The following HDAC9 variants were observed in gnomAD, a reference collection of about 807,000 sequenced individuals.
HDAC9 encodes the protein MEF-2 interacting transcription repressor (MITR) protein.
A neutral mutation model predicts 139.4 loss-of-function variants in HDAC9; 41 were observed. The observed-to-expected ratio is 0.29, with a 90% CI of 0.23 to 0.38. The LOEUF is 0.38. Among genes scored for constraint, HDAC9 ranks in the 10% least tolerant of loss-of-function variants. The pLI is 1.00. For synonymous variants in HDAC9, 517 were observed against 476.2 expected (o/e 1.09, Z -1.12); for missense variants, 1,147 against 1,297.0 (o/e 0.88, Z 1.78).
rs187487283 is a variant in HDAC9 at position 18,713,880 on chromosome 7, C to T, written c.1732-13700C>T. Among the ~76,000 whole-genome samples the T allele has an allele frequency of 4.1e-4, 62 of 150,148 alleles. No homozygotes were observed. The Middle Eastern group carries it at 0.01, about 25-fold the overall frequency. On this transcript the variant is annotated intron_variant, in intron 12 of 25. Coordinates refer to ENST00000686413, the MANE Select transcript of HDAC9 (RefSeq NM_178425.4). ...TTGGCTCAATAACACCTTGTTATAACGTATTTTGGTAATAGAGTCAATTTG... is the reference window on the plus strand; with the variant it reads ...TTGGCTCAATAACACCTTGTTATAATGTATTTTGGTAATAGAGTCAATTTG...
intron 2 of HDAC9, among the ~76,000 whole-genome samples, chr7:18,527,296 T>G (rs929270373): frequency 1.3e-5 from 2 of 152,160 alleles, no homozygotes; most frequent in South Asian, 4.1e-4. Context: ...TTTGGATAAT[T>G]TTATTTAAAG....
intron 2 of HDAC9, among the ~76,000 whole-genome samples, chr7:18,545,118 A>G (rs1020529607): frequency 6.6e-6 from 1 of 152,142 alleles, no homozygotes; most frequent in Non-Finnish European, 1.5e-5. Context: ...CCTGCACTAA[A>G]CGTATGGTTC....
chr7:18,928,778 G>C (rs1804460696), intron 22 of HDAC9, among the ~76,000 whole-genome samples: 1 of 151,896 alleles, frequency 6.6e-6, no homozygotes, highest in South Asian at 2.1e-4. Flanking sequence ...CTGGTCGATG[G>C]AACTATGTAT....
intron 22 of HDAC9, among the ~76,000 whole-genome samples, chr7:18,912,566 T>G (rs911657786): frequency 6.6e-6 from 1 of 152,072 alleles, no homozygotes; most frequent in African/African-American, 2.4e-5. Flanking sequence ...CTAGAGACAT[T>G]GTGGTTGCCA....
chr7:18,865,010 G>A (rs1424008521), intron 21 of HDAC9, among the ~76,000 whole-genome samples: 2 of 151,982 alleles, frequency 1.3e-5, no homozygotes, highest in Admixed American at 6.6e-5. Flanking sequence ...ATAGAGTCCT[G>A]GCCAAGCTTC....
intron 12 of HDAC9, among the ~76,000 whole-genome samples, chr7:18,725,650 A>T (rs1584920391): frequency 6.6e-6 from 1 of 152,186 alleles, no homozygotes; most frequent in Admixed American, 6.5e-5. Flanking sequence ...GAGGAGATGG[A>T]TATTACAAAA....
intron 1 of HDAC9, among the ~76,000 whole-genome samples, chr7:18,157,806 AGAGAGAGAG>A (rs1787322212): frequency 4.6e-5 from 2 of 43,480 alleles, no homozygotes; most frequent in Non-Finnish European, 1.0e-4. Flanking sequence ...CTAAGGCATG[AGAGAGAGAG>A]AGAGAGAGAG....
chr7:18,269,844 T>C (rs886196122), intron 2 of HDAC9, among the ~76,000 whole-genome samples: 4 of 152,064 alleles, frequency 2.6e-5, no homozygotes, highest in African/African-American at 9.7e-5. Context: ...AGTTGCATGG[T>C]GATTGTTGGT....
rs114604200 is a variant in HDAC9 at position 18,295,069 on chromosome 7, A to G, written c.-42+4554A>G. On this transcript the variant is annotated intron_variant, in intron 1 of 3. Transcript: ENST00000413509. ...TTGAAACATTCAAGGGAAGATGTCA[A>G]GTAGGCATAAGATGTCATGTAGATG... Among the ~76,000 whole-genome samples the G allele has an allele frequency of 2.9e-3, 444 of 152,278 alleles. 2 individuals are homozygous for G. The highest frequency in any genetic ancestry group is 9.9e-3 in the African/African-American group (410 of 41,556).
intron 1 of HDAC9, among the ~76,000 whole-genome samples, chr7:18,125,453 G>C (rs1019998061): frequency 6.6e-6 from 1 of 151,938 alleles, no homozygotes; most frequent in Non-Finnish European, 1.5e-5. Flanking sequence ...GTGTGTGTGT[G>C]TGTTAAATGG....
At chr7:18,693,443 G>A (rs1562857470) in intron 12 of HDAC9, among the ~76,000 whole-genome samples, 1 of 152,088 alleles carries the variant, frequency 6.6e-6, no homozygotes, top group Non-Finnish European at 1.5e-5. Flanking sequence ...GGACATATTT[G>A]GTGTGTTTGT....
At chr7:18,973,600 A>T (rs1228693422) in intron 24 of HDAC9, among the ~76,000 whole-genome samples, 1 of 152,182 alleles carries the variant, frequency 6.6e-6, no homozygotes, top group African/African-American at 2.4e-5. Context: ...ACAGTAAGAT[A>T]AAGAAAGGCC....
At chr7:18,361,829 AC>A (rs1562917908) in intron 1 of HDAC9, among the ~76,000 whole-genome samples, 1 of 151,992 alleles carries the variant, frequency 6.6e-6, no homozygotes, top group Non-Finnish European at 1.5e-5. Flanking sequence ...AAAAAAAAAA[AC>A]ATTCTGGCAT....
chr7:18,951,874 A>G (rs575782742), intron 23 of HDAC9, among the ~76,000 whole-genome samples: 1 of 152,054 alleles, frequency 6.6e-6, no homozygotes, highest in African/African-American at 2.4e-5. Context: ...ATAAATGTCT[A>G]GAAAAGACAA....
intron 22 of HDAC9, among the ~76,000 whole-genome samples, chr7:18,902,057 A>G (rs577305089): frequency 6.6e-6 from 1 of 152,308 alleles, no homozygotes; most frequent in South Asian, 2.1e-4. Context: ...TGTGCTATGC[A>G]ATAAAGCTAC....
chr7:18,209,938 G>T (rs1241833351), intron 2 of HDAC9, among the ~76,000 whole-genome samples: 1 of 151,916 alleles, frequency 6.6e-6, no homozygotes, highest in Non-Finnish European at 1.5e-5. Flanking sequence ...CTGACCTCGT[G>T]ATCCGCCCTC....
chr7:18,305,517 T>C (rs1798848225), intron 1 of HDAC9, among the ~76,000 whole-genome samples: 1 of 152,190 alleles, frequency 6.6e-6, no homozygotes. Flanking sequence ...TTTCACCTTC[T>C]TCCACTGTAC....
chr7:18,557,489 T>C (rs920107135), intron 2 of HDAC9, among the ~76,000 whole-genome samples: 8 of 151,024 alleles, frequency 5.3e-5, no homozygotes, highest in Non-Finnish European at 1.2e-4. Context: ...TCATCTATAA[T>C]ATATAGAGAT....
intron 2 of HDAC9, among the ~76,000 whole-genome samples, chr7:18,229,160 A>C (rs992871814): frequency 3.3e-5 from 5 of 152,186 alleles, no homozygotes; most frequent in African/African-American, 1.2e-4. Flanking sequence ...TGTATCTAAT[A>C]AGTTAAATTG....
Sources: allele counts gnomAD v4.1 joint callset (sites outside exome capture counted in the v4.1 genomes callset), GRCh38; gene constraint gnomAD v4.1.1; transcripts MANE v1.5; gene names NCBI Gene and HGNC (gene_info 2026-07-23, HGNC 2026-07-21).